Variants in NPAS3 observed in about 807,000 individuals in gnomAD.
The protein encoded by NPAS3 is neuronal PAS domain protein 3.
NPAS3 carries 14 observed loss-of-function variants against 73.1 expected under a neutral mutation model. That is an observed-to-expected ratio of 0.19 (90% CI 0.13 to 0.30). The LOEUF (loss-of-function observed/expected upper bound fraction) is 0.30, where lower values mean the gene tolerates loss of function less well. Ranked by LOEUF, NPAS3 falls within the 10% of genes least tolerant of loss-of-function variation. The pLI, the probability that NPAS3 is intolerant of heterozygous loss-of-function variation, is 1.00. For missense variants in NPAS3, 1,096 were observed against 1,250.0 expected (o/e 0.88, Z 1.86); for synonymous variants, 620 against 541.5 (o/e 1.14, Z -2.01).
Position 33,391,111 on chromosome 14 carries a change from A to G in NPAS3, c.468+23843A>G, listed in dbSNP as rs1393712236. On this transcript the variant is annotated intron_variant, in intron 4 of 11. Transcript: ENST00000356141. ...AGGCACAGAAGTCTGAAATAGTGTA[A>G]AACAAAAACAAATAATCAAATATTA... 2.6e-5 allele frequency among the ~76,000 whole-genome samples: 4 copies of G among 152,120 alleles called. No individual in the cohort carries two copies. The South Asian group carries it at 6.2e-4, about 24-fold the overall frequency.
intron 4 of NPAS3, among the ~76,000 whole-genome samples, chr14:33,414,914 A>G (rs1036621342): frequency 2.6e-5 from 4 of 152,160 alleles, no homozygotes; most frequent in African/African-American, 7.2e-5. Context: ...GTAACAATAG[A>G]TAAGACATTT....
chr14:33,720,689 G>T (rs532396641), intron 6 of NPAS3, among the ~76,000 whole-genome samples: 2 of 152,310 alleles, frequency 1.3e-5, no homozygotes, highest in South Asian at 4.1e-4. Flanking sequence ...GGGCATTGGA[G>T]AATTTTTCCT....
chr14:33,613,618 C>A (rs1952600), intron 5 of NPAS3, among the ~76,000 whole-genome samples: 54,603 of 151,902 alleles, frequency 0.36, 10,736 homozygotes, highest in East Asian at 0.66. Context: ...GAATGAATGT[C>A]CCTGCCTCAG....
chr14:33,120,969 G>A (rs927466592), intron 2 of NPAS3, among the ~76,000 whole-genome samples: 17 of 152,068 alleles, frequency 1.1e-4, no homozygotes, highest in Non-Finnish European at 2.5e-4. Flanking sequence ...TATCCCTCCT[G>A]TTCGGTGATA....
intron 4 of NPAS3, among the ~76,000 whole-genome samples, chr14:33,423,139 G>A (rs562644867): frequency 9.9e-5 from 15 of 152,116 alleles, no homozygotes; most frequent in East Asian, 1.9e-4. Context: ...GGAATTCTCC[G>A]CTAGCAGTTT....
intron 6 of NPAS3, among the ~76,000 whole-genome samples, chr14:33,715,257 A>T (rs529995210): frequency 1.3e-5 from 2 of 152,170 alleles, no homozygotes; most frequent in South Asian, 4.2e-4. Flanking sequence ...TATTTATATG[A>T]TTTGTTGCTG....
At chr14:33,795,621 G>GA (rs1566550645) in intron 10 of NPAS3, among the ~76,000 whole-genome samples, 2 of 152,164 alleles carry the variant, frequency 1.3e-5, no homozygotes, top group Non-Finnish European at 2.9e-5. Context: ...CCATGTTGAT[G>GA]AAACATAGAT....
chr14:33,109,219 A>G (rs1351780229), intron 2 of NPAS3, among the ~76,000 whole-genome samples: 2 of 152,214 alleles, frequency 1.3e-5, no homozygotes, highest in Non-Finnish European at 2.9e-5. Context: ...GTTAGAATAC[A>G]GTGTCAAATT....
At chr14:33,453,365 A>G (rs145053132) in intron 4 of NPAS3, among the ~76,000 whole-genome samples, 26 of 152,260 alleles carry the variant, frequency 1.7e-4, no homozygotes, top group Non-Finnish European at 2.6e-4. Context: ...AGATAATTAT[A>G]CTGTATGATT....
intron 5 of NPAS3, among the ~76,000 whole-genome samples, chr14:33,668,633 C>T (rs1378313833): frequency 4.6e-5 from 7 of 152,046 alleles, no homozygotes; most frequent in South Asian, 2.1e-4. Flanking sequence ...CTGGCCAACA[C>T]GACAAAACCC....
At chr14:33,034,068 T>C (rs1185617743) in intron 1 of NPAS3, among the ~76,000 whole-genome samples, 1 of 152,198 alleles carries the variant, frequency 6.6e-6, no homozygotes, top group Non-Finnish European at 1.5e-5. Context: ...ACTGCATTTT[T>C]ATGTTTACTT....
intron 7 of NPAS3, among the ~76,000 whole-genome samples, chr14:33,761,516 A>G (rs1276362483): frequency 6.6e-6 from 1 of 152,182 alleles, no homozygotes; most frequent in Non-Finnish European, 1.5e-5. Flanking sequence ...GAAGAAAAAA[A>G]AAAAAAGAGT....
At chr14:33,261,922 G>T (rs946192328) in intron 3 of NPAS3, among the ~76,000 whole-genome samples, 29 of 152,166 alleles carry the variant, frequency 1.9e-4, no homozygotes, top group African/African-American at 6.8e-4. Context: ...AGAGCAAGGG[G>T]ACAGATTTTG....
At chr14:32,971,073 G>A (rs544976589) in intron 1 of NPAS3, among the ~76,000 whole-genome samples, 2 of 144,090 alleles carry the variant, frequency 1.4e-5, no homozygotes, top group African/African-American at 5.0e-5. Context: ...AATGATTTCT[G>A]TGTCTTTCTT....
chr14:33,575,345 A>T (rs2056392424), intron 5 of NPAS3, among the ~76,000 whole-genome samples: 1 of 152,170 alleles, frequency 6.6e-6, no homozygotes, highest in South Asian at 2.1e-4. Context: ...GAAAGGAAAA[A>T]ATTGAGAAAG....
intron 2 of NPAS3, among the ~76,000 whole-genome samples, chr14:33,167,588 G>A (rs1301347684): frequency 2.0e-5 from 3 of 152,116 alleles, no homozygotes; most frequent in Non-Finnish European, 4.4e-5. Context: ...TCTGAAAATA[G>A]AAGATAATAC....
At chr14:33,062,673 A>C (rs1420471585) in intron 2 of NPAS3, among the ~76,000 whole-genome samples, 2 of 152,254 alleles carry the variant, frequency 1.3e-5, no homozygotes, top group African/African-American at 4.8e-5. Context: ...CTTGAGAACG[A>C]AAGTAAAGGT....
chr14:33,629,230 A>G (rs1206096480), intron 5 of NPAS3, among the ~76,000 whole-genome samples: 2 of 147,694 alleles, frequency 1.4e-5, no homozygotes, highest in Non-Finnish European at 3.0e-5. Flanking sequence ...GCGAGACTCC[A>G]TCTCAAAAAA....
intron 3 of NPAS3, among the ~76,000 whole-genome samples, chr14:33,240,275 T>G (rs1303558377): frequency 2.6e-5 from 4 of 151,914 alleles, no homozygotes; most frequent in Non-Finnish European, 5.9e-5. Flanking sequence ...CAGAATGCCA[T>G]AGTTTACTAC....
Sources: gnomAD v4.1 joint callset for allele counts (sites outside exome capture counted in the v4.1 genomes callset) on GRCh38, gnomAD v4.1.1 for gene constraint, MANE v1.5 for transcripts, NCBI Gene and HGNC (gene_info 2026-07-23, HGNC 2026-07-21) for gene names.